Variants in TENM2 observed in about 807,000 individuals in gnomAD.
TENM2 encodes teneurin-2.
A neutral mutation model predicts 245.2 loss-of-function variants in TENM2; 52 were observed. That is an observed-to-expected ratio of 0.21 (90% CI 0.17 to 0.27). The LOEUF (loss-of-function observed/expected upper bound fraction) is 0.27. Among genes scored for constraint, TENM2 ranks in the 10% least tolerant of loss-of-function variants. The probability of loss-of-function intolerance (pLI) is 1.00; values close to 1 mark genes in which losing one functional copy is unlikely to be tolerated. For synonymous variants in TENM2, 1,363 were observed against 1,438.9 expected (o/e 0.95, Z 1.19); for missense variants, 3,046 against 3,666.8 (o/e 0.83, Z 4.37).
At chr5:167,055,741 C>A in the TENM2 span, among the ~76,000 whole-genome samples, 1 of 152,000 alleles carries the variant, frequency 6.6e-6, no homozygotes, top group East Asian at 1.9e-4. Context: ...AAGCAATTAA[C>A]CTTTATATAT....
intron 26 of TENM2, among the ~76,000 whole-genome samples, chr5:168,245,861 A>G (rs949015264): frequency 8.5e-5 from 13 of 152,174 alleles, no homozygotes; most frequent in Admixed American, 1.3e-4. Flanking sequence ...GAACCTCCCA[A>G]TTGCCTCTAA....
At chr5:167,120,124 G>A in the TENM2 span, among the ~76,000 whole-genome samples, 2 of 152,162 alleles carry the variant, frequency 1.3e-5, no homozygotes, top group African/African-American at 4.8e-5. Flanking sequence ...GAAGGTACAT[G>A]CCATAGATGC....
At chr5:167,398,494 C>T (rs1762197721) in intron 2 of TENM2, among the ~76,000 whole-genome samples, 1 of 150,416 alleles carries the variant, frequency 6.6e-6, no homozygotes, top group African/African-American at 2.4e-5. Flanking sequence ...GGAGTTGGCA[C>T]CATCTTGGCT....
intron 16 of TENM2, among the ~76,000 whole-genome samples, chr5:168,199,471 T>C (rs990651958): frequency 6.6e-6 from 1 of 152,238 alleles, no homozygotes; most frequent in Admixed American, 6.5e-5. Flanking sequence ...CATATTACAT[T>C]ATTGCCTCCC....
intron 4 of TENM2, among the ~76,000 whole-genome samples, chr5:167,960,664 A>T (rs1338660674): frequency 1.3e-5 from 2 of 152,006 alleles, no homozygotes; most frequent in East Asian, 3.9e-4. Flanking sequence ...GAGCTAAACC[A>T]CTTGGCTCCC....
intron 1 of TENM2, among the ~76,000 whole-genome samples, chr5:167,316,844 C>T (rs1239481747): frequency 1.3e-5 from 2 of 152,166 alleles, no homozygotes; most frequent in South Asian, 2.1e-4. Flanking sequence ...ATCTGGTACT[C>T]ATATTGCATA....
intron 26 of TENM2, among the ~76,000 whole-genome samples, chr5:168,245,541 A>G (rs561169796): frequency 1.3e-5 from 2 of 149,342 alleles, no homozygotes; most frequent in East Asian, 2.0e-4. Context: ...TCAGGTCTTC[A>G]TGCTTGAAAA....
intron 5 of TENM2, among the ~76,000 whole-genome samples, chr5:168,028,245 G>T (rs1189137587): frequency 6.6e-6 from 1 of 152,140 alleles, no homozygotes; most frequent in African/African-American, 2.4e-5. Flanking sequence ...TTTGATCCTA[G>T]CTGAAGTTCC....
At chr5:168,118,315 G>A (rs573537454) in exon 10 of TENM2, 1 of 1,602,750 alleles carries the variant, frequency 6.2e-7, no homozygotes, top group South Asian at 1.1e-5. Context: ...CCTGTGCAGT[G>A]GGAATGGACA....
the TENM2 span, among the ~76,000 whole-genome samples, chr5:167,138,630 T>C: frequency 4.6e-5 from 7 of 152,192 alleles, no homozygotes; most frequent in South Asian, 1.2e-3. Flanking sequence ...TTTTTATTGA[T>C]TTATTTTTTG....
At chr5:167,088,549 C>A in the TENM2 span, among the ~76,000 whole-genome samples, 45 of 151,992 alleles carry the variant, frequency 3.0e-4, no homozygotes, top group Admixed American at 6.6e-4. Flanking sequence ...CTCGCTTGAA[C>A]CTGGGAGGCG....
At chr5:168,240,311 G>C (rs143356155) in intron 25 of TENM2, among the ~76,000 whole-genome samples, 38 of 152,332 alleles carry the variant, frequency 2.5e-4, no homozygotes, top group African/African-American at 8.4e-4. Flanking sequence ...AGCTTTAAGA[G>C]AGTGTCCCAT....
At chr5:167,393,704 T>G (rs773039132) in intron 2 of TENM2, among the ~76,000 whole-genome samples, 6 of 152,170 alleles carry the variant, frequency 3.9e-5, no homozygotes, top group Non-Finnish European at 8.8e-5. Flanking sequence ...TGTCATGATC[T>G]GACTTCCCAT....
intron 18 of TENM2, 56 bp downstream of exon 20, chr5:168,203,888 GTCTCTAGCC>G: frequency 6.6e-7 from 1 of 1,509,688 alleles, no homozygotes; most frequent in Non-Finnish European, 9.0e-7. Flanking sequence ...CTGGAACCTT[GTCTCTAGCC>G]TCAGCATTTA....
chr5:167,774,341 A>G (rs1306754616), intron 2 of TENM2, among the ~76,000 whole-genome samples: 1 of 152,230 alleles, frequency 6.6e-6, no homozygotes, highest in African/African-American at 2.4e-5. Context: ...ATGCCTATCT[A>G]TCTGACAATG....
At chr5:167,594,028 CTT>C (rs1478217333) in intron 2 of TENM2, among the ~76,000 whole-genome samples, 1 of 152,182 alleles carries the variant, frequency 6.6e-6, no homozygotes, top group African/African-American at 2.4e-5. Context: ...TACTTAGACT[CTT>C]TTCATGAACA....
chr5:167,114,769 A>C, the TENM2 span, among the ~76,000 whole-genome samples: 1 of 152,230 alleles, frequency 6.6e-6, no homozygotes, highest in Non-Finnish European at 1.5e-5. Flanking sequence ...AAACTTGAAA[A>C]GGCCTTTGAC....
the TENM2 span, among the ~76,000 whole-genome samples, chr5:167,245,280 G>A: frequency 6.6e-6 from 1 of 152,066 alleles, no homozygotes; most frequent in East Asian, 1.9e-4. Flanking sequence ...CCAGACAAAG[G>A]GTGCACGGTA....
At chr5:167,859,640 G>A (rs1452627105) in intron 2 of TENM2, among the ~76,000 whole-genome samples, 79 of 114,206 alleles carry the variant, frequency 6.9e-4, no homozygotes, top group African/African-American at 2.6e-3. Context: ...CAGCCGCCCC[G>A]TCTGGGAGGT....
Sources: gnomAD v4.1 joint callset for allele counts (sites outside exome capture counted in the v4.1 genomes callset) on GRCh38, gnomAD v4.1.1 for gene constraint, MANE v1.5 for transcripts, NCBI Gene and HGNC (gene_info 2026-07-23, HGNC 2026-07-21) for gene names.